Variants in CTCF observed in about 807,000 individuals in gnomAD.
The protein encoded by CTCF is CCCTC-binding factor.
A neutral mutation model predicts 72.3 loss-of-function variants in CTCF; 7 were observed. The ratio of observed to expected loss-of-function variants is 0.10; its 90% CI spans 0.06 to 0.18. CTCF has a LOEUF of 0.18. CTCF is among the 10% of genes least tolerant of loss of function. The probability of loss-of-function intolerance (pLI) is 1.00; values close to 1 mark genes in which losing one functional copy is unlikely to be tolerated. For synonymous variants in CTCF, 374 were observed against 315.8 expected, an observed-to-expected ratio of 1.18 and a Z score of -1.95; for missense variants, 516 against 949.1, an observed-to-expected ratio of 0.54 and a Z score of 6.00.
At chr16:67,631,165 G>GTTTTTTTTTTT (rs931210083) in intron 10 of CTCF, among the ~76,000 whole-genome samples, 1 of 131,126 alleles carries the variant, frequency 7.6e-6, no homozygotes, top group Non-Finnish European at 1.6e-5. Flanking sequence ...TTTTTTTTTT[G>GTTTTTTTTTTT]TTTTTTGTTT....
chr16:67,598,493 C>T (rs1196862443), intron 2 of CTCF, among the ~76,000 whole-genome samples: 3 of 151,972 alleles, frequency 2.0e-5, no homozygotes, highest in Non-Finnish European at 4.4e-5. Flanking sequence ...CCAGAAAATA[C>T]AAATTATAAT....
intron 2 of CTCF, among the ~76,000 whole-genome samples, chr16:67,603,235 A>G (rs1224782432): frequency 6.6e-6 from 1 of 152,094 alleles, no homozygotes; most frequent in Non-Finnish European, 1.5e-5. Flanking sequence ...AAATTACAAA[A>G]AAAGAAAACA....
intron 1 of CTCF, among the ~76,000 whole-genome samples, chr16:67,564,858 G>A (rs1400279610): frequency 6.6e-6 from 1 of 152,142 alleles, no homozygotes; most frequent in Admixed American, 6.6e-5. Context: ...CATTTATGCT[G>A]TTTTAGTGGA....
At chr16:67,585,966 C>G (rs1054907807) in intron 2 of CTCF, among the ~76,000 whole-genome samples, 1 of 152,122 alleles carries the variant, frequency 6.6e-6, no homozygotes, top group East Asian at 1.9e-4. Context: ...ATATAACCCT[C>G]CCTGCCCTCC....
chr16:67,629,745 CCTTT>C (rs2052338129), intron 10 of CTCF, among the ~76,000 whole-genome samples: 5 of 85,064 alleles, frequency 5.9e-5, no homozygotes, highest in Non-Finnish European at 6.9e-5. Context: ...TCATTAATGC[CCTTT>C]TTTTTTTTTT....
At chr16:67,576,983 G>A (rs765388215) in intron 2 of CTCF, among the ~76,000 whole-genome samples, 2 of 152,252 alleles carry the variant, frequency 1.3e-5, no homozygotes, top group East Asian at 1.9e-4. Flanking sequence ...AGGGGACTGC[G>A]AATTTGGATA....
chr16:67,566,527 A>G (rs2051345090), intron 1 of CTCF, among the ~76,000 whole-genome samples: 1 of 150,100 alleles, frequency 6.7e-6, no homozygotes, highest in Non-Finnish European at 1.5e-5. Flanking sequence ...AAAAAAAAAA[A>G]AAAAAAAAAA....
chr16:67,622,616 T>C (rs1189672089), intron 7 of CTCF, among the ~76,000 whole-genome samples: 2 of 151,520 alleles, frequency 1.3e-5, no homozygotes, highest in Non-Finnish European at 2.9e-5. Context: ...TTGGTGCTTA[T>C]ATAGAGTTGG....
chr16:67,618,238 C>T (rs1176911396), intron 5 of CTCF, among the ~76,000 whole-genome samples: 1 of 152,120 alleles, frequency 6.6e-6, no homozygotes, highest in Non-Finnish European at 1.5e-5. Flanking sequence ...ACCATCTGTA[C>T]TAAAAATACA....
chr16:67,637,621 TA>T, intron 11 of CTCF, 66 bp from the exon 12 acceptor site: 1 of 1,428,308 alleles, frequency 7.0e-7, no homozygotes, highest in Non-Finnish European at 9.7e-7. Context: ...GCTGTCAGTC[TA>T]AAAGACCCTT....
intron 4 of CTCF, among the ~76,000 whole-genome samples, chr16:67,612,785 A>G (rs1337870531): frequency 6.6e-6 from 1 of 151,804 alleles, no homozygotes; most frequent in African/African-American, 2.4e-5. Flanking sequence ...AGAAATACAT[A>G]AATTAGCCAG....
intron 10 of CTCF, among the ~76,000 whole-genome samples, chr16:67,630,711 C>T (rs536168936): frequency 3.9e-5 from 6 of 152,198 alleles, no homozygotes; most frequent in Non-Finnish European, 5.9e-5. Flanking sequence ...GCTGTGATCA[C>T]GCCACTGCCT....
chr16:67,592,390 G>A (rs1193764634), intron 2 of CTCF, among the ~76,000 whole-genome samples: 2 of 151,978 alleles, frequency 1.3e-5, no homozygotes, highest in Non-Finnish European at 2.9e-5. Flanking sequence ...CAGCCTGGGT[G>A]GCAGAGCAAG....
In CTCF at chr16:67,591,035, G is replaced by C. The variant is rs891162589; in HGVS notation, c.-10+19771G>C. 6.7e-5 allele frequency among the ~76,000 whole-genome samples: 10 copies of C among 149,616 alleles called. No individual in the cohort carries two copies. In the Admixed American group the frequency reaches 6.7e-4, roughly 10 times the overall value. On this transcript the variant is annotated intron_variant, in intron 2 of 11. Coordinates refer to ENST00000264010, the MANE Select transcript of CTCF (RefSeq NM_006565.4). ...GCTGTGATTACAGGCGTGAGCCACC[G>C]TAATCCCAGCACTTTGGGAGGCCGA...
chr16:67,587,746 A>AG (rs2051687291), intron 2 of CTCF, among the ~76,000 whole-genome samples: 1 of 152,156 alleles, frequency 6.6e-6, no homozygotes, highest in South Asian at 2.1e-4. Context: ...TGACATAGCA[A>AG]GACCCCATTC....
chr16:67,586,229 A>G (rs1355073014), intron 2 of CTCF, among the ~76,000 whole-genome samples: 1 of 151,866 alleles, frequency 6.6e-6, no homozygotes, highest in Non-Finnish European at 1.5e-5. Flanking sequence ...AGAAAACCCC[A>G]TTTCTACCAA....
intron 10 of CTCF, among the ~76,000 whole-genome samples, chr16:67,631,550 C>T (rs1043099360): frequency 2.6e-5 from 4 of 152,032 alleles, no homozygotes; most frequent in African/African-American, 4.8e-5. Flanking sequence ...ATCCTCCTGC[C>T]TCGACCTCCC....
intron 2 of CTCF, among the ~76,000 whole-genome samples, chr16:67,575,156 G>A (rs958780953): frequency 7.2e-5 from 11 of 152,158 alleles, no homozygotes; most frequent in East Asian, 3.8e-4. Flanking sequence ...GGCTGAGGCC[G>A]GAGGATCGTC....
intron 10 of CTCF, among the ~76,000 whole-genome samples, chr16:67,634,071 A>G (rs1879478763): frequency 6.6e-6 from 1 of 152,196 alleles, no homozygotes; most frequent in African/African-American, 2.4e-5. Context: ...ATACCTGTTT[A>G]TTATATTAAT....
Sources: allele counts gnomAD v4.1 joint callset (sites outside exome capture counted in the v4.1 genomes callset), GRCh38; gene constraint gnomAD v4.1.1; transcripts MANE v1.5; gene names NCBI Gene and HGNC (gene_info 2026-07-23, HGNC 2026-07-21).